The following STUM variants were observed in gnomAD, a reference collection of about 807,000 sequenced individuals.
STUM encodes the protein protein stum homolog.
STUM carries 8 observed loss-of-function variants against 15.3 expected under a neutral mutation model. The observed-to-expected ratio is 0.52, with a 90% CI of 0.31 to 0.94. The LOEUF is 0.94. Among genes scored for constraint, STUM ranks in the 40% least tolerant of loss-of-function variants. The probability of loss-of-function intolerance (pLI) is 0.05; values close to 1 mark genes in which losing one functional copy is unlikely to be tolerated. For synonymous variants in STUM, 78 were observed against 88.7 expected, an observed-to-expected ratio of 0.88 and a Z score of 0.68; for missense variants, 142 against 204.9, an observed-to-expected ratio of 0.69 and a Z score of 1.87.
At chr1:226,585,132 T>G (rs1461921) in intron 1 of STUM, among the ~76,000 whole-genome samples, 72,331 of 152,076 alleles carry the variant, frequency 0.48, 17,401 homozygotes, top group Admixed American at 0.54. Flanking sequence ...AGCCTCAGGC[T>G]TCATGAGGCT....
At chr1:226,583,010 G>T (rs567953397) in intron 1 of STUM, among the ~76,000 whole-genome samples, 1 of 152,364 alleles carries the variant, frequency 6.6e-6, no homozygotes, top group East Asian at 1.9e-4. Flanking sequence ...TCTTAGCTGG[G>T]ATGGCTAGAT....
Position 226,552,537 on chromosome 1 carries a change from A to G in STUM, c.202+3431A>G, listed in dbSNP as rs1334709273. On this transcript the variant is annotated intron_variant, in intron 1 of 3. Coordinates refer to ENST00000366788, the MANE Select transcript of STUM (RefSeq NM_001003665.4). This position sits in a 1 kb window ranked among gnomAD's most constrained non-coding sequence, Gnocchi z 4.7. ...TTATACTTTTATATTTAAAAATTAT[A>G]TCTATCTTGATTTGGTGAAACGAAA... Among the ~76,000 whole-genome samples, 1 of 152,224 alleles carries G rather than the reference A, an allele frequency of 6.6e-6. No homozygotes were observed. The highest frequency in any genetic ancestry group is 1.5e-5 in the Non-Finnish European group (1 of 68,040).
At chr1:226,585,034 C>G (rs1667974632) in intron 1 of STUM, among the ~76,000 whole-genome samples, 1 of 152,212 alleles carries the variant, frequency 6.6e-6, no homozygotes, top group Non-Finnish European at 1.5e-5. Flanking sequence ...TGTAAGCTCA[C>G]TCGAAGCACT....
chr1:226,553,909 T>C (rs1667408487), intron 1 of STUM, among the ~76,000 whole-genome samples: 5 of 152,156 alleles, frequency 3.3e-5, no homozygotes, highest in Admixed American at 3.3e-4. Flanking sequence ...AGTTGGAAAG[T>C]AGAAGAAGAG....
In STUM at chr1:226,549,562, G is replaced by C. The variant is rs1667336341; in HGVS notation, c.202+456G>C. On this transcript the variant is annotated intron_variant, in intron 1 of 3. Coordinates refer to ENST00000366788, the MANE Select transcript of STUM (RefSeq NM_001003665.4). This position sits in a 1 kb window ranked among gnomAD's most constrained non-coding sequence, Gnocchi z 6.8. ...AAACTCCCGGGCGTCGAAGTCAGCT[G>C]AGCCGGGGAAAGAGGACGAGCCGGG... is the stretch of plus-strand genomic sequence containing the variant. Among the ~76,000 whole-genome samples, 1 of 152,192 alleles carries C rather than the reference G, an allele frequency of 6.6e-6. No individual in the cohort carries two copies. Among genetic ancestry groups the C allele is most frequent in the Non-Finnish European group, 1.5e-5 (1 of 68,032 alleles).
At position 226,602,268 on chromosome 1, in the gene STUM, C is replaced by G; in HGVS notation, c.*228C>G. 1 of 551,634 alleles carries G rather than the reference C, an allele frequency of 1.8e-6. No homozygotes were observed. The highest frequency in any genetic ancestry group is 3.0e-5 in the East Asian group (1 of 33,472). 34.2% of individuals were successfully genotyped at this position (551,634 alleles called of 1,614,324 possible). On this transcript the variant is annotated 3_prime_UTR_variant, in exon 4 of 4. Transcript: ENST00000366788. Reference sequence around the variant, plus strand: ...TGGAAAGCACTGTGGGCGCAGGCACCAGAGCATCAGAGAGTGGGGTGGAGA... The same window carrying G: ...TGGAAAGCACTGTGGGCGCAGGCACGAGAGCATCAGAGAGTGGGGTGGAGA...
intron 1 of STUM, among the ~76,000 whole-genome samples, chr1:226,588,421 T>C (rs889742768): frequency 5.9e-5 from 9 of 152,348 alleles, no homozygotes; most frequent in African/African-American, 2.2e-4. Flanking sequence ...GGATATCCCA[T>C]ATCTTCTGCT....
chr1:226,569,887 T>C (rs1194151065), intron 1 of STUM, among the ~76,000 whole-genome samples: 5 of 152,070 alleles, frequency 3.3e-5, no homozygotes, highest in African/African-American at 9.7e-5. Context: ...TAGGGTTAGA[T>C]TTGGTTTGAA....
rs1667321302 is a variant in STUM at position 226,548,938 on chromosome 1, G to T, written c.34G>T (p.Ala12Ser). The T allele has an allele frequency of 6.9e-7, 1 of 1,448,614 alleles. No individual in the cohort carries two copies. Among genetic ancestry groups the T allele is most frequent in the Admixed American group, 3.0e-5 (1 of 33,122 alleles). 89.7% of individuals were successfully genotyped at this position (1,448,614 alleles called of 1,614,324 possible). A position where few individuals can be genotyped will look rare whatever the true frequency, so the allele number is the denominator to read the frequency against. The change falls in exon 1 of 4, where the codon GCG (alanine) becomes TCG (serine). Residue 12 changes from alanine (A) to serine (S), a missense_variant. Physicochemically the swap from Ala to Ser is moderately conservative, Grantham distance 99. Transcript: ENST00000366788. Reference sequence around the variant, plus strand: ...CTCGCACAAAGACGCCGAGACGGCGGCGGCGGCGGCGGCGGTGGCGGCGGC... The same window carrying T: ...CTCGCACAAAGACGCCGAGACGGCGTCGGCGGCGGCGGCGGTGGCGGCGGC... ...EPSHKDAETA[A>S]AAAAVAAADP...
rs557088800 is a variant in STUM at position 226,549,409 on chromosome 1, A to G, written c.202+303A>G. On this transcript the variant is annotated intron_variant, in intron 1 of 3. Coordinates refer to ENST00000366788, the MANE Select transcript of STUM (RefSeq NM_001003665.4). The surrounding 1 kb of genome is among the most constrained non-coding windows in gnomAD (Gnocchi z 6.8). ...GGAATGGCTCTGCCGGCTTCGGAGT[A>G]GGGCTCCCGTCCCGGCGCCCCGATT... 6.6e-6 allele frequency among the ~76,000 whole-genome samples: 1 copy of G among 152,282 alleles called. No individual in the cohort carries two copies. The highest frequency in any genetic ancestry group is 1.9e-4 in the East Asian group (1 of 5,150).
In STUM at chr1:226,605,001, G is replaced by A. The variant is rs1319639572; in HGVS notation, c.*2961G>A. On this transcript the variant is annotated 3_prime_UTR_variant, in exon 4 of 4. Coordinates refer to ENST00000366788, the MANE Select transcript of STUM (RefSeq NM_001003665.4). This position sits in a 1 kb window ranked among gnomAD's most constrained non-coding sequence, Gnocchi z 4.0. ...GCTGTGGGTGGCCTGGGTGTGTCCT[G>A]TGGACGGCGGAGACTGTTGATTTGG... The A allele has an allele frequency of 6.6e-6, 1 of 152,462 alleles. No homozygotes were observed. Among genetic ancestry groups the A allele is most frequent in the Non-Finnish European group, 1.5e-5 (1 of 68,208 alleles). 9.4% of individuals were successfully genotyped at this position (152,462 alleles called of 1,614,324 possible). A position where few individuals can be genotyped will look rare whatever the true frequency, so the allele number is the denominator to read the frequency against.
intron 2 of STUM, among the ~76,000 whole-genome samples, chr1:226,597,809 C>T (rs1003146385): frequency 5.9e-5 from 9 of 152,176 alleles, no homozygotes; most frequent in Non-Finnish European, 1.2e-4. Context: ...GGAAGTGGCT[C>T]CTCTGGCAGC....
intron 1 of STUM, among the ~76,000 whole-genome samples, chr1:226,592,488 A>G (rs1349285123): frequency 6.6e-6 from 1 of 152,226 alleles, no homozygotes; most frequent in African/African-American, 2.4e-5. Context: ...CAGTTTCTGT[A>G]TCTGTAAAAT....
intron 1 of STUM, among the ~76,000 whole-genome samples, chr1:226,581,031 T>C (rs531904501): frequency 1.3e-5 from 2 of 152,282 alleles, no homozygotes; most frequent in South Asian, 4.1e-4. Context: ...CTAGTTCCCA[T>C]GGTTGAAGTT....
Position 226,604,629 on chromosome 1 carries a change from T to G in STUM, c.*2589T>G, listed in dbSNP as rs980027765. 6.6e-6 allele frequency: 1 copy of G among 152,204 alleles called. No individual in the cohort carries two copies. The highest frequency in any genetic ancestry group is 2.1e-4 in the South Asian group (1 of 4,828). The allele number at this position is 152,204 out of a possible 1,614,324, so 9.4% of individuals were successfully genotyped here. A position where few individuals can be genotyped will look rare whatever the true frequency, so the allele number is the denominator to read the frequency against. ...ACTCCAAATAGTTCCAGCTGGCCACTCAGACCAGGGCCAGAGTTAACTTCT... is the reference window on the plus strand; with the variant it reads ...ACTCCAAATAGTTCCAGCTGGCCACGCAGACCAGGGCCAGAGTTAACTTCT... On this transcript the variant is annotated 3_prime_UTR_variant, in exon 4 of 4. Transcript: ENST00000366788. The surrounding 1 kb of genome is among the most constrained non-coding windows in gnomAD (Gnocchi z 4.7).
rs915675279 is a variant in STUM at position 226,607,570 on chromosome 1, C to T, written c.*5530C>T. On this transcript the variant is annotated 3_prime_UTR_variant, in exon 4 of 4. Transcript: ENST00000366788. ...GTCCGCTCCTGCCCAGGCCTCACCT[C>T]CTCGCTGCAGCTGGCAAGATTCTTT... 7.2e-5 allele frequency: 11 copies of T among 152,602 alleles called. No individual in the cohort carries two copies. Among genetic ancestry groups the T allele is most frequent in the African/African-American group, 2.7e-4 (11 of 41,460 alleles). The allele number at this position is 152,602 out of a possible 1,614,324, so 9.5% of individuals were successfully genotyped here.
Position 226,552,306 on chromosome 1 carries a change from A to G in STUM, c.202+3200A>G, listed in dbSNP as rs563156468. On this transcript the variant is annotated intron_variant, in intron 1 of 3. Transcript: ENST00000366788. The surrounding 1 kb of genome is among the most constrained non-coding windows in gnomAD (Gnocchi z 4.7). ...CAACTCCTCACTGAAACAATGAAAAACAATTTTTACAAGTGGACATTAGTA... is the reference window on the plus strand; with the variant it reads ...CAACTCCTCACTGAAACAATGAAAAGCAATTTTTACAAGTGGACATTAGTA... Among the ~76,000 whole-genome samples the G allele has an allele frequency of 5.4e-4, 82 of 152,298 alleles. No individual in the cohort carries two copies. The highest frequency in any genetic ancestry group is 2.1e-4 in the South Asian group (1 of 4,824).
At chr1:226,573,706 T>C (rs1330786248) in intron 1 of STUM, among the ~76,000 whole-genome samples, 2 of 152,206 alleles carry the variant, frequency 1.3e-5, no homozygotes, top group Non-Finnish European at 2.9e-5. Flanking sequence ...TATTTTGATA[T>C]ACGTAGTGAA....
intron 2 of STUM, among the ~76,000 whole-genome samples, chr1:226,598,963 A>G (rs1668224344): frequency 6.6e-6 from 1 of 152,222 alleles, no homozygotes; most frequent in Admixed American, 6.5e-5. Context: ...CCTCACAATC[A>G]TGGCGAAAGG....
Sources: allele counts gnomAD v4.1 joint callset (sites outside exome capture counted in the v4.1 genomes callset), GRCh38; gene constraint gnomAD v4.1.1; non-coding constraint Gnocchi (gnomAD v3.1); transcripts MANE v1.5; gene names NCBI Gene and HGNC (gene_info 2026-07-23, HGNC 2026-07-21).